Variants in CFAP157 observed in about 807,000 individuals in gnomAD.
The protein encoded by CFAP157 is cilia and flagella associated protein 157, also known as cilia- and flagella-associated protein 157.
CFAP157 carries 43 observed loss-of-function variants against 57.8 expected under a neutral mutation model. The observed-to-expected ratio is 0.74, with a 90% CI of 0.58 to 0.96. CFAP157 has a LOEUF of 0.96. CFAP157 is among the 40% of genes least tolerant of loss of function. CFAP157 has a pLI of 0.00. For missense variants in CFAP157, 606 were observed against 655.3 expected (o/e 0.92, Z 0.82); for synonymous variants, 267 against 269.0 (o/e 0.99, Z 0.07).
rs1484006768 is a variant in CFAP157, at chr9:127,713,218, AG to A, written c.1491+16del. Reference sequence around the variant, plus strand: ...ACAGCAGCCCTGAGGTGAGGGTGCCAGGGGCCCCAGGGAAAGCAAGGTGGCA... The same window carrying A: ...ACAGCAGCCCTGAGGTGAGGGTGCCAGGGCCCCAGGGAAAGCAAGGTGGCA... On this transcript the variant is annotated intron_variant, in intron 8 of 8. Transcript: ENST00000373295. 1.1e-5 allele frequency: 17 copies of A among 1,515,180 alleles called. No homozygotes were observed. The highest frequency in any genetic ancestry group is 1.5e-5 in the Non-Finnish European group (17 of 1,131,704). 93.9% of individuals were successfully genotyped at this position (1,515,180 alleles called of 1,614,324 possible).
Position 127,714,562 on chromosome 9 carries a change from C to T in CFAP157, c.*657C>T. ...GCCCTACTCCACCCCAACTGGGAGG[C>T]CTGAAGCCCTATCCCAACCCTGACC... On this transcript the variant is annotated 3_prime_UTR_variant, in exon 9 of 9. Transcript: ENST00000373295. 6.3e-7 allele frequency: 1 copy of T among 1,597,924 alleles called. No homozygotes were observed. The highest frequency in any genetic ancestry group is 8.6e-7 in the Non-Finnish European group (1 of 1,165,704).
Position 127,714,095 on chromosome 9 carries a change from TAGTGTCACGGCCCC to T in CFAP157, c.*195_*208del. ...CAGTCAGGCAGGCAGCCATGGCCAC[TAGTGTCACGGCCCC>T]AGTGAGGGCCCCTGGCTTCGCTCAC... On this transcript the variant is annotated 3_prime_UTR_variant, in exon 9 of 9. Transcript: ENST00000373295. The T allele has an allele frequency of 6.2e-7, 1 of 1,611,640 alleles. No homozygotes were observed.
At chr9:127,707,465 C>T (rs1205012620) in intron 1 of CFAP157, among the ~76,000 whole-genome samples, 1 of 152,142 alleles carries the variant, frequency 6.6e-6, no homozygotes, top group East Asian at 1.9e-4. Context: ...ATCCCCACGT[C>T]CCCCTGCCTC....
In CFAP157 at chr9:127,709,267, C is replaced by G. The variant is rs1842709932; in HGVS notation, c.162-155C>G. Among the ~76,000 whole-genome samples, 1 of 152,150 alleles carries G rather than the reference C, an allele frequency of 6.6e-6. No individual in the cohort carries two copies. The highest frequency in any genetic ancestry group is 2.4e-5 in the African/African-American group (1 of 41,412). Reference sequence around the variant, plus strand: ...TTGGCTGTGGTCATGACTGTCGGACCAAGGGGCATAGTGGGAGATGAGGCT... The same window carrying G: ...TTGGCTGTGGTCATGACTGTCGGACGAAGGGGCATAGTGGGAGATGAGGCT... On this transcript the variant is annotated intron_variant, in intron 1 of 8. Coordinates refer to ENST00000373295, the MANE Select transcript of CFAP157 (RefSeq NM_001012502.3). This position sits in a 1 kb window ranked among gnomAD's most constrained non-coding sequence, Gnocchi z 4.7.
In CFAP157 at chr9:127,715,072, G is replaced by T. The variant is rs1305895482; in HGVS notation, c.*1167G>T. ...CCAGCGGGGCCAGGGCGAGGTCGGC[G>T]GCACAGTGCCGGTCGCGCGTCCAAC... On this transcript the variant is annotated 3_prime_UTR_variant, in exon 9 of 9. Transcript: ENST00000373295. This position sits in a 1 kb window ranked among gnomAD's most constrained non-coding sequence, Gnocchi z 5.8. 9.2e-6 allele frequency: 14 copies of T among 1,528,826 alleles called. No individual in the cohort carries two copies. Among genetic ancestry groups the T allele is most frequent in the African/African-American group, 1.4e-5 (1 of 72,590 alleles). The allele number at this position is 1,528,826 out of a possible 1,614,324, so 94.7% of individuals were successfully genotyped here. A position where few individuals can be genotyped will look rare whatever the true frequency, so the allele number is the denominator to read the frequency against.
chr9:127,712,954 C>T (rs1399362226), intron 7 of CFAP157, 66 bp from the exon 8 acceptor site: 22 of 1,592,428 alleles, frequency 1.4e-5, no homozygotes, highest in East Asian at 6.9e-5. Context: ...GGACAGTGCT[C>T]GGCTCACCCT....
chr9:127,709,781 AG>A lies in CFAP157; in HGVS notation c.433+89del. On this transcript the variant is annotated intron_variant, in intron 2 of 8. Coordinates refer to ENST00000373295, the MANE Select transcript of CFAP157 (RefSeq NM_001012502.3). The surrounding 1 kb of genome is among the most constrained non-coding windows in gnomAD (Gnocchi z 4.7). ...TTCTCACCTGGGAAACAGGGATAAT[AG>A]CCACATGCTGCTTGGCACACACTGT... 7.2e-7 allele frequency: 1 copy of A among 1,394,612 alleles called. No individual in the cohort carries two copies. The highest frequency in any genetic ancestry group is 9.8e-7 in the Non-Finnish European group (1 of 1,020,884). The allele number at this position is 1,394,612 out of a possible 1,614,324, so 86.4% of individuals were successfully genotyped here.
chr9:127,707,049 T>G lies in CFAP157; in HGVS notation c.18T>G (p.Ser6Arg). 1 of 1,612,522 alleles carries G rather than the reference T, an allele frequency of 6.2e-7. No individual in the cohort carries two copies. The highest frequency in any genetic ancestry group is 8.5e-7 in the Non-Finnish European group (1 of 1,179,598). Reference sequence around the variant, plus strand: ...CATCAGCCATGGCTCCCAAAAAGAGTGTGAGCAAGGCAGGCAAGGAGCTTG... The same window carrying G: ...CATCAGCCATGGCTCCCAAAAAGAGGGTGAGCAAGGCAGGCAAGGAGCTTG... MAPKK[S>R]VSKAGKELEV... Residue 6 changes from serine (S) to arginine (R), a missense_variant, in exon 1 of 9, where the codon AGT becomes AGG. Transcript: ENST00000373295.
At chr9:127,708,912 G>A (rs975073666) in intron 1 of CFAP157, among the ~76,000 whole-genome samples, 1 of 152,262 alleles carries the variant, frequency 6.6e-6, no homozygotes. Context: ...ATGGAGGGAT[G>A]CAGAGCTGGC....
At chr9:127,713,403 G>C in intron 8 of CFAP157, 197 bp downstream of exon 8, 1 of 514,180 alleles carries the variant, frequency 1.9e-6, no homozygotes, top group Non-Finnish European at 3.3e-6. Context: ...GCCCTGGGAG[G>C]GGGGTTGGCT....
chr9:127,713,062 G>C lies in CFAP157; in HGVS notation c.1347G>C (p.Pro449=), dbSNP rs374070528. Residue 449 remains proline (P), a synonymous_variant, in exon 8 of 9, where the codon CCG becomes CCC. Coordinates refer to ENST00000373295, the MANE Select transcript of CFAP157 (RefSeq NM_001012502.3). Reference sequence around the variant, plus strand: ...TGCCCAGGACTGGGTCTCTGCTGCCGCAGCTCTCTGACATCACCCCCTACC... The same window carrying C: ...TGCCCAGGACTGGGTCTCTGCTGCCCCAGCTCTCTGACATCACCCCCTACC... ...IQLPRTGSLL[P]QLSDITPYQP... 1 of 1,613,852 alleles carries C rather than the reference G, an allele frequency of 6.2e-7. No homozygotes were observed. Among genetic ancestry groups the C allele is most frequent in the Admixed American group, 1.7e-5 (1 of 59,980 alleles).
rs745641656 is a variant in CFAP157, at chr9:127,714,002, T to G, written c.*97T>G. 2.3e-5 allele frequency: 36 copies of G among 1,580,082 alleles called. No homozygotes were observed. Among genetic ancestry groups the G allele is most frequent in the Non-Finnish European group, 3.0e-5 (35 of 1,150,846 alleles). On this transcript the variant is annotated 3_prime_UTR_variant, in exon 9 of 9. Transcript: ENST00000373295. ...CAGCCTGGAACAGTCTAGAGGAGAT[T>G]TGTATAAAAAGTAGATACCAAGGCT...
Position 127,711,268 on chromosome 9 carries a change from CAATGAG to C in CFAP157, c.628_633del (p.Asn210_Glu211del). 1 of 1,614,146 alleles carries C rather than the reference CAATGAG, an allele frequency of 6.2e-7. No individual in the cohort carries two copies. Among genetic ancestry groups the C allele is most frequent in the Non-Finnish European group, 8.5e-7 (1 of 1,180,020 alleles). ...TCATCCAGCGCGTGAACCTCGTGGC[CAATGAG>C]TTCCACAAGGTGACCACGAACCGGA... On this transcript the variant is annotated inframe_deletion, in exon 4 of 9. Coordinates refer to ENST00000373295, the MANE Select transcript of CFAP157 (RefSeq NM_001012502.3).
chr9:127,708,338 A>G (rs1022036955), intron 1 of CFAP157, among the ~76,000 whole-genome samples: 3 of 152,084 alleles, frequency 2.0e-5, no homozygotes, highest in Non-Finnish European at 4.4e-5. Context: ...TTAGCTGGGC[A>G]TGGTGGCGGG....
chr9:127,711,538 G>A lies in CFAP157; in HGVS notation c.855+42G>A, dbSNP rs1325464852. On this transcript the variant is annotated intron_variant, in intron 4 of 8. Transcript: ENST00000373295. Reference sequence around the variant, plus strand: ...CAGCACAGGGCATTTGGCATGCAAGGCAGGAGGCCGCCCTGGGGGCCCTGC... The same window carrying A: ...CAGCACAGGGCATTTGGCATGCAAGACAGGAGGCCGCCCTGGGGGCCCTGC... 11 of 1,590,110 alleles carry A rather than the reference G, an allele frequency of 6.9e-6. No individual in the cohort carries two copies. The Admixed American group carries it at 1.9e-4, about 27-fold the overall frequency.
At chr9:127,712,634 G>A in intron 6 of CFAP157, 75 bp from the exon 7 acceptor site, 1 of 1,611,822 alleles carries the variant, frequency 6.2e-7, no homozygotes, top group Non-Finnish European at 8.5e-7. Context: ...AATGGGCACT[G>A]AGGTTGGAAT....
Position 127,714,679 on chromosome 9 carries a change from C to G in CFAP157, c.*774C>G, listed in dbSNP as rs551270127. 3 of 1,613,238 alleles carry G rather than the reference C, an allele frequency of 1.9e-6. No individual in the cohort carries two copies. The African/African-American group carries it at 4.0e-5, about 22-fold the overall frequency. ...TCATCATGCACCAGGTAGACTTCCT[C>G]GGCAGTCAGCCCAAACAGCTCCGCT... On this transcript the variant is annotated 3_prime_UTR_variant, in exon 9 of 9. Transcript: ENST00000373295.
At chr9:127,708,466 G>C (rs984091783) in intron 1 of CFAP157, among the ~76,000 whole-genome samples, 2 of 152,076 alleles carry the variant, frequency 1.3e-5, no homozygotes, top group African/African-American at 4.8e-5. Flanking sequence ...GACAGATCGA[G>C]ACTCCATTTC....
Position 127,712,396 on chromosome 9 carries a change from C to T in CFAP157, c.1137+47C>T, listed in dbSNP as rs757974203. ...AGGGCGCAAGGGGAGGGGGAGTGAG[C>T]GCAAGATGGAAGCTGCTTGCAGAGA... is the stretch of plus-strand genomic sequence containing the variant. On this transcript the variant is annotated intron_variant, in intron 6 of 8. Transcript: ENST00000373295. 1.8e-5 allele frequency: 29 copies of T among 1,601,290 alleles called. No individual in the cohort carries two copies. In the Middle Eastern group the frequency reaches 6.9e-4, roughly 38 times the overall value.
Sources: gnomAD v4.1 joint callset for allele counts (sites outside exome capture counted in the v4.1 genomes callset) on GRCh38, gnomAD v4.1.1 for gene constraint, Gnocchi (gnomAD v3.1) non-coding constraint, MANE v1.5 for transcripts, NCBI Gene and HGNC (gene_info 2026-07-23, HGNC 2026-07-21) for gene names.